AIFM3: variants seen among roughly 807,000 people sequenced by gnomAD.
AIFM3 encodes AIF family member 3.
Under a neutral mutation model 82.7 loss-of-function variants are expected in AIFM3, and 71 were observed. The observed-to-expected ratio is 0.86, with a 90% CI of 0.71 to 1.05. The LOEUF (loss-of-function observed/expected upper bound fraction) is 1.05. Ranked by LOEUF, AIFM3 falls within the 50% of genes least tolerant of loss-of-function variation. The pLI is 0.00. For synonymous variants in AIFM3, 337 were observed against 329.1 expected, an observed-to-expected ratio of 1.02 and a Z score of -0.26; for missense variants, 748 against 816.7, an observed-to-expected ratio of 0.92 and a Z score of 1.03.
Position 20,979,658 on chromosome 22 carries a change from C to T in AIFM3, c.1608C>T (p.Ile536=). The change falls in exon 18 of 21, where the codon ATC becomes ATT. Residue 536 remains isoleucine (I), a synonymous_variant. Transcript: ENST00000440238. ...GYGEGFDDVI[I]QGDLEELKFV... ...GAGAAGGCTTCGACGACGTCATCAT[C>T]CAGGGGGATCTGGAGGAGCTGAAGT... 6.2e-7 allele frequency: 1 copy of T among 1,614,234 alleles called. No homozygotes were observed. The highest frequency in any genetic ancestry group is 8.5e-7 in the Non-Finnish European group (1 of 1,180,046).
chr22:20,977,939 T>G lies in AIFM3; in HGVS notation c.1411T>G (p.Phe471Val). The G allele has an allele frequency of 6.2e-7, 1 of 1,614,182 alleles. No homozygotes were observed. The highest frequency in any genetic ancestry group is 1.1e-5 in the South Asian group (1 of 91,088). Residue 471 changes from phenylalanine to valine, a missense_variant, in exon 16 of 21, where the codon TTC becomes GTC. This residue lies in a region of AIFM3 where 393 missense variants were observed against 481.1 expected (regional missense o/e 0.82). Coordinates refer to ENST00000440238, the MANE Select transcript of AIFM3 (RefSeq NM_001386814.1). ...GTTTGCAGCTGGCGATGCTGTCACC[T>G]TCCCCCTTGCCTGGAGGAACAACCG... ...GVFAAGDAVT[F>V]PLAWRNNRKV...
chr22:20,971,526 G>A (rs1473679664), intron 2 of AIFM3, among the ~76,000 whole-genome samples: 1 of 152,212 alleles, frequency 6.6e-6, no homozygotes. Flanking sequence ...GCCTTGTCTG[G>A]GTAGATAGGA....
chr22:20,974,531 C>G lies in AIFM3; in HGVS notation c.517C>G (p.Gln173Glu), dbSNP rs1339118484. 6.2e-7 allele frequency: 1 copy of G among 1,612,108 alleles called. No individual in the cohort carries two copies. Among genetic ancestry groups the G allele is most frequent in the Non-Finnish European group, 8.5e-7 (1 of 1,179,314 alleles). ...ACCCTCCTGGCACCCACAGGCCCTA[C>G]AGCTGCAGCGAAGGACCAAGGTGAT... ...VYVRASKQAL[Q>E]LQRRTKVMAK... is the part of the protein sequence containing the mutation. Residue 173 changes from glutamine to glutamate, a missense_variant, in exon 7 of 21, where the codon CAG (glutamine) becomes GAG (glutamate). Physicochemically the swap from Gln to Glu is conservative, Grantham distance 29. Around this residue, in one of 5 missense-constraint regions of AIFM3, gnomAD observed 393 missense variants for 481.1 expected, o/e 0.82. Coordinates refer to ENST00000440238, the MANE Select transcript of AIFM3 (RefSeq NM_001386814.1).
intron 16 of AIFM3, among the ~76,000 whole-genome samples, chr22:20,978,813 T>A (rs1252921579): frequency 6.6e-6 from 1 of 152,056 alleles, no homozygotes; most frequent in Non-Finnish European, 1.5e-5. Flanking sequence ...TTGAAGTACA[T>A]CCAACTACAG....
chr22:20,977,070 G>A lies in AIFM3; in HGVS notation c.1257G>A (p.Arg419=), dbSNP rs763502424. The A allele has an allele frequency of 4.3e-6, 7 of 1,614,076 alleles. No homozygotes were observed. The highest frequency in any genetic ancestry group is 1.1e-5 in the South Asian group (1 of 91,082). Residue 419 remains arginine (R), a synonymous_variant, in exon 14 of 21, where the codon CGG becomes CGA. Coordinates refer to ENST00000440238, the MANE Select transcript of AIFM3 (RefSeq NM_001386814.1). The part of the protein sequence containing the change: ...EVVLKSSKVV[R]ADVCVVGIGA... ...TGCTGAAGAGCAGCAAGGTCGTGCGGGCTGACGTCTGCGTGGTGGGCATTG... is the reference window on the plus strand; with the variant it reads ...TGCTGAAGAGCAGCAAGGTCGTGCGAGCTGACGTCTGCGTGGTGGGCATTG...
Position 20,977,693 on chromosome 22 carries a change from C to T in AIFM3, c.1283-7C>T, listed in dbSNP as rs772486610. The stretch of plus-strand genomic sequence containing the variant: ...AGGGGAGTGGACACAGGCTTCCGTC[C>T]TGTCAGGTGCAGTGCCCGCCACAGG... On this transcript the variant is annotated splice_polypyrimidine_tract_variant and splice_region_variant and intron_variant, in intron 14 of 20. Transcript: ENST00000440238. 9 of 1,613,682 alleles carry T rather than the reference C, an allele frequency of 5.6e-6. No homozygotes were observed. The highest frequency in any genetic ancestry group is 1.3e-5 in the African/African-American group (1 of 74,862).
In AIFM3 at chr22:20,973,424, AC is replaced by A; in HGVS notation, c.150del (p.His50GlnfsTer47). ...YQGNGTARHFHTEERLSTPHP... is the reference protein window; with the variant it reads ...YQGNGTARHFXTEERLSTPHP... Reference sequence around the variant, plus strand: ...GGCAATGGCACGGCCCGCCACTTCCACACGGAGGAGCGCCTGTCCACCCCTC... The same window carrying A: ...GGCAATGGCACGGCCCGCCACTTCCAACGGAGGAGCGCCTGTCCACCCCTC... On this transcript the variant is annotated frameshift_variant, in exon 3 of 21. Coordinates refer to ENST00000440238, the MANE Select transcript of AIFM3 (RefSeq NM_001386814.1). LOFTEE classifies it high-confidence loss of function. 6.2e-7 allele frequency: 1 copy of A among 1,613,170 alleles called. No homozygotes were observed. The highest frequency in any genetic ancestry group is 8.5e-7 in the Non-Finnish European group (1 of 1,179,982).
chr22:20,967,920 G>A lies in AIFM3; in HGVS notation c.-25G>A, dbSNP rs372042715. 15 of 1,613,924 alleles carry A rather than the reference G, an allele frequency of 9.3e-6. No homozygotes were observed. The Middle Eastern group carries it at 4.9e-4, about 53-fold the overall frequency. ...CAGCTCCCCATCTGTGCTCCTGCCT[G>A]CCGGCCATCCTCAGGCCACTCGCCA... is the stretch of plus-strand genomic sequence containing the variant. On this transcript the variant is annotated 5_prime_UTR_variant, in exon 2 of 21. Transcript: ENST00000440238.
rs747937672 is a variant in AIFM3, at chr22:20,975,723, T to C, written c.752T>C (p.Leu251Pro). The C allele has an allele frequency of 1.2e-6, 2 of 1,613,734 alleles. No homozygotes were observed. Among genetic ancestry groups the C allele is most frequent in the Admixed American group, 3.3e-5 (2 of 60,028 alleles). ...SLDTQPEQLALRPKEFFRAYG... is the reference protein window; with the variant it reads ...SLDTQPEQLAPRPKEFFRAYG... Reference sequence around the variant, plus strand: ...GACACACAGCCTGAGCAGCTGGCCCTGAGGCCCAAGGAGTTTTTCCGAGCC... The same window carrying C: ...GACACACAGCCTGAGCAGCTGGCCCCGAGGCCCAAGGAGTTTTTCCGAGCC... Residue 251 changes from leucine to proline, a missense_variant, in exon 9 of 21, where the codon CTG (leucine) becomes CCG (proline). By Grantham distance (98) the Leu-to-Pro change is moderately conservative. Transcript: ENST00000440238.
intron 19 of AIFM3, 67 bp downstream of exon 19, chr22:20,980,191 G>C: frequency 6.8e-7 from 1 of 1,468,538 alleles, no homozygotes; most frequent in Non-Finnish European, 9.3e-7. Context: ...AGGTGCCTAT[G>C]ACAGCCAGCC....
chr22:20,977,755 A>C lies in AIFM3; in HGVS notation c.1338A>C (p.Arg446=), dbSNP rs532442495. ...LRQSGIGLDS[R]GFIPVNKMMQ... is the part of the protein sequence containing the mutation. ...AAAGCGGCATCGGTTTGGATTCCCG[A>C]GGCTTCATCCCTGTCAACAAGGTGG... The change falls in exon 15 of 21, where the codon CGA becomes CGC. Residue 446 remains arginine, a synonymous_variant. Transcript: ENST00000440238. The C allele has an allele frequency of 1.9e-6, 3 of 1,614,078 alleles. No homozygotes were observed. The highest frequency in any genetic ancestry group is 2.2e-5 in the South Asian group (2 of 91,072).
chr22:20,980,075 G>A lies in AIFM3; in HGVS notation c.1708G>A (p.Val570Ile). 3 of 1,610,986 alleles carry A rather than the reference G, an allele frequency of 1.9e-6. No individual in the cohort carries two copies. Among genetic ancestry groups the A allele is most frequent in the Non-Finnish European group, 2.5e-6 (3 of 1,180,006 alleles). The change falls in exon 19 of 21, where the codon GTC (valine) becomes ATC (isoleucine). Residue 570 changes from valine (V) to isoleucine (I), a missense_variant. Transcript: ENST00000440238. ...SMNYDPIVSK[V>I]AEVLASGRAI... Reference sequence around the variant, plus strand: ...GAACTACGATCCCATTGTGTCCAAGGTCGCTGAGGTGCTGGCCTCAGGCCG... The same window carrying A: ...GAACTACGATCCCATTGTGTCCAAGATCGCTGAGGTGCTGGCCTCAGGCCG...
chr22:20,973,756 A>T lies in AIFM3; in HGVS notation c.246-2A>T. The T allele has an allele frequency of 1.3e-6, 2 of 1,550,222 alleles. No homozygotes were observed. Among genetic ancestry groups the T allele is most frequent in the Non-Finnish European group, 1.7e-6 (2 of 1,147,852 alleles). ...TGACCTCTGAGTGCTGCGGTTCCCC[A>T]GGATGCGGGAAGTGGAGCTGGGCTG... On this transcript the variant is annotated splice_acceptor_variant, in intron 3 of 20. Transcript: ENST00000440238. LOFTEE classifies it high-confidence loss of function.
intron 8 of AIFM3, among the ~76,000 whole-genome samples, chr22:20,975,083 C>T (rs1313582814): frequency 6.6e-6 from 1 of 152,212 alleles, no homozygotes; most frequent in African/African-American, 2.4e-5. Context: ...ATGCTTCAGC[C>T]TTCCGAGTAG....
chr22:20,977,644 A>G, intron 14 of AIFM3, 56 bp from the exon 15 acceptor site: 1 of 1,605,656 alleles, frequency 6.2e-7, no homozygotes, highest in Non-Finnish European at 8.5e-7. Flanking sequence ...GGGTGTGGAG[A>G]GTGACTACGC....
intron 20 of AIFM3, 54 bp downstream of exon 20, chr22:20,980,821 C>T: frequency 6.2e-7 from 1 of 1,609,190 alleles, no homozygotes; most frequent in African/African-American, 1.4e-5. Flanking sequence ...TCAGCCCAGA[C>T]CCTCCACCCA....
chr22:20,979,343 TGTTTGGCAAGA>T lies in AIFM3; in HGVS notation c.1552_1562del (p.Phe518ProfsTer30). Reference sequence around the variant, plus strand: ...ACTGTGCCCTACCTCTGGACCGCCATGTTTGGCAAGAGCCTGCGCTACGCGGGTAACCCCGG... The same window carrying T: ...ACTGTGCCCTACCTCTGGACCGCCATGCCTGCGCTACGCGGGTAACCCCGG... On this transcript the variant is annotated frameshift_variant, in exon 17 of 21. Transcript: ENST00000440238. LOFTEE classifies it high-confidence loss of function. 1 of 1,556,930 alleles carries T rather than the reference TGTTTGGCAAGA, an allele frequency of 6.4e-7. No individual in the cohort carries two copies. Among genetic ancestry groups the T allele is most frequent in the Non-Finnish European group, 8.7e-7 (1 of 1,150,468 alleles).
chr22:20,967,993 G>T lies in AIFM3; in HGVS notation c.31+18G>T. 6.2e-7 allele frequency: 1 copy of T among 1,613,232 alleles called. No homozygotes were observed. ...CAAACCAGGTACCTCCTGTCTTCTT[G>T]TCTCCATCCTTTCTCCTCCCTCCCC... On this transcript the variant is annotated intron_variant, in intron 2 of 20. Transcript: ENST00000440238.
Position 20,981,048 on chromosome 22 carries a change from C to T in AIFM3, c.*17C>T, listed in dbSNP as rs1569151962. On this transcript the variant is annotated 3_prime_UTR_variant, in exon 21 of 21. Coordinates refer to ENST00000440238, the MANE Select transcript of AIFM3 (RefSeq NM_001386814.1). ...GGATCCTGAGCTCACATGCAGTAGA[C>T]TTGGGCAGGCAAAGGGGGCACCAAG... The T allele has an allele frequency of 1.9e-6, 3 of 1,614,118 alleles. No individual in the cohort carries two copies. The South Asian group carries it at 3.3e-5, about 18-fold the overall frequency.
Sources: allele counts gnomAD v4.1 joint callset (sites outside exome capture counted in the v4.1 genomes callset), GRCh38; gene constraint gnomAD v4.1.1; regional missense constraint gnomAD v4.1.1; transcripts MANE v1.5; gene names NCBI Gene and HGNC (gene_info 2026-07-23, HGNC 2026-07-21).